Variants in MAP2K5 observed in about 807,000 individuals in gnomAD.
MAP2K5 encodes dual specificity mitogen-activated protein kinase kinase 5.
In MAP2K5, 49 loss-of-function variants were observed where a neutral mutation model predicts 83.1. The observed-to-expected ratio is 0.59, with a 90% CI of 0.47 to 0.75. MAP2K5 has a LOEUF of 0.75. Among genes scored for constraint, MAP2K5 ranks in the 30% least tolerant of loss-of-function variants. The probability of loss-of-function intolerance (pLI) is 0.00; values close to 1 mark genes in which losing one functional copy is unlikely to be tolerated. For synonymous variants in MAP2K5, 202 were observed against 191.8 expected, an observed-to-expected ratio of 1.05 and a Z score of -0.44; for missense variants, 457 against 557.5, an observed-to-expected ratio of 0.82 and a Z score of 1.82.
At chr15:67,762,455 T>C (rs1389282636) in intron 19 of MAP2K5, among the ~76,000 whole-genome samples, 2 of 152,088 alleles carry the variant, frequency 1.3e-5, no homozygotes, top group Non-Finnish European at 2.9e-5. Context: ...AAGATTAACC[T>C]ATTTTCCATT....
Position 67,543,443 on chromosome 15 carries a change from G to C in MAP2K5, c.108G>C (p.Gly36=), listed in dbSNP as rs759483472. 1 of 1,614,166 alleles carries C rather than the reference G, an allele frequency of 6.2e-7. No individual in the cohort carries two copies. Among genetic ancestry groups the C allele is most frequent in the Non-Finnish European group, 8.5e-7 (1 of 1,180,026 alleles). ...CGGTGGACTGGACAGTGCACTCCGG[G>C]CCGCAGTTACTCTTCAGGGATGTGC... ...SGAVDWTVHS[G]PQLLFRDVLD... is the part of the protein sequence containing the mutation. The change falls in exon 1 of 22, where the codon GGG becomes GGC. Residue 36 remains glycine (G), a synonymous_variant. Transcript: ENST00000178640. The surrounding 1 kb of genome is among the most constrained non-coding windows in gnomAD (Gnocchi z 4.3).
At chr15:67,595,795 A>G (rs1191234012) in intron 7 of MAP2K5, among the ~76,000 whole-genome samples, 1 of 152,090 alleles carries the variant, frequency 6.6e-6, no homozygotes, top group Non-Finnish European at 1.5e-5. Context: ...AGTCTCACTG[A>G]TGTGTTTTCT....
Position 67,769,555 on chromosome 15 carries a change from G to A in MAP2K5, c.1135-47G>A, listed in dbSNP as rs537999290. The A allele has an allele frequency of 1.3e-6, 2 of 1,567,426 alleles. No homozygotes were observed. Among genetic ancestry groups the A allele is most frequent in the Admixed American group, 1.7e-5 (1 of 59,866 alleles). The stretch of plus-strand genomic sequence containing the variant: ...GGTGGGTGGGGAATATAAAGAAAGA[G>A]AAGGAACTGTTGTGACTTTTGGTGA... On this transcript the variant is annotated intron_variant, in intron 19 of 21. Coordinates refer to ENST00000178640, the MANE Select transcript of MAP2K5 (RefSeq NM_145160.3). This position sits in a 1 kb window ranked among gnomAD's most constrained non-coding sequence, Gnocchi z 5.2.
At chr15:67,622,165 G>A (rs200896459) in intron 8 of MAP2K5, among the ~76,000 whole-genome samples, 5 of 124,216 alleles carry the variant, frequency 4.0e-5, no homozygotes, top group Non-Finnish European at 6.9e-5. Context: ...AAAAAAAAAA[G>A]AAGATGAAGG....
At chr15:67,639,745 C>A (rs2086674576) in intron 9 of MAP2K5, among the ~76,000 whole-genome samples, 1 of 152,236 alleles carries the variant, frequency 6.6e-6, no homozygotes. Flanking sequence ...ATGTTTGAAT[C>A]CTGTGTGTCT....
At chr15:67,745,579 C>A (rs984686291) in intron 17 of MAP2K5, among the ~76,000 whole-genome samples, 10 of 151,992 alleles carry the variant, frequency 6.6e-5, no homozygotes, top group Non-Finnish European at 1.5e-4. Flanking sequence ...TAAATACAGC[C>A]GAGTACATGG....
At position 67,747,843 on chromosome 15, in the gene MAP2K5, A is replaced by G. The variant is rs78007682; in HGVS notation, c.1075-388A>G. Among the ~76,000 whole-genome samples the G allele has an allele frequency of 0.013, 2,030 of 152,332 alleles. 43 individuals carry two copies. Among genetic ancestry groups the G allele is most frequent in the African/African-American group, 0.047 (1,941 of 41,564 alleles). On this transcript the variant is annotated intron_variant, in intron 17 of 21. Coordinates refer to ENST00000178640, the MANE Select transcript of MAP2K5 (RefSeq NM_145160.3). The surrounding 1 kb of genome is among the most constrained non-coding windows in gnomAD (Gnocchi z 4.1). ...GACTATGATTTAATTTCAATTTTAA[A>G]TAAATCGGTTTTTAATTTAAAAAGA...
At chr15:67,627,440 T>A (rs2086352770) in intron 8 of MAP2K5, among the ~76,000 whole-genome samples, 1 of 152,234 alleles carries the variant, frequency 6.6e-6, no homozygotes, top group Admixed American at 6.5e-5. Flanking sequence ...TAATAAAAGT[T>A]AAGTTTACCT....
chr15:67,567,225 A>C (rs2084856097), intron 3 of MAP2K5, among the ~76,000 whole-genome samples: 1 of 152,288 alleles, frequency 6.6e-6, no homozygotes, highest in African/African-American at 2.4e-5. Context: ...GCATTTTGTT[A>C]TGAGTTTGTG....
Position 67,557,038 on chromosome 15 carries a change from G to A in MAP2K5, c.185-6245G>A, listed in dbSNP as rs192725186. On this transcript the variant is annotated intron_variant, in intron 2 of 21. Coordinates refer to ENST00000178640, the MANE Select transcript of MAP2K5 (RefSeq NM_145160.3). ...TCCATAACCATAAAAAATCCTGTGT[G>A]TTTGCATTTCTGGGTCCTACATATG... 5.3e-5 allele frequency among the ~76,000 whole-genome samples: 8 copies of A among 152,288 alleles called. No individual in the cohort carries two copies. In the East Asian group the frequency reaches 1.5e-3, roughly 29 times the overall value.
intron 4 of MAP2K5, among the ~76,000 whole-genome samples, chr15:67,581,330 A>G (rs1311833297): frequency 1.3e-5 from 2 of 152,248 alleles, no homozygotes; most frequent in Non-Finnish European, 2.9e-5. Context: ...ATTATCTCCA[A>G]AAATATGAGC....
intron 8 of MAP2K5, among the ~76,000 whole-genome samples, chr15:67,620,083 A>G (rs1031264044): frequency 1.3e-4 from 20 of 152,142 alleles, no homozygotes; most frequent in African/African-American, 4.8e-4. Flanking sequence ...AAAAAAATAT[A>G]CTAGTAGGCC....
intron 16 of MAP2K5, among the ~76,000 whole-genome samples, chr15:67,725,545 A>G (rs2089069542): frequency 6.6e-6 from 1 of 152,198 alleles, no homozygotes; most frequent in Non-Finnish European, 1.5e-5. Context: ...GAATTATTCC[A>G]TGGTCCCTGA....
chr15:67,803,398 G>T (rs1327868123), intron 21 of MAP2K5, among the ~76,000 whole-genome samples: 1 of 152,176 alleles, frequency 6.6e-6, no homozygotes, highest in Non-Finnish European at 1.5e-5. Context: ...TTCTCCATCA[G>T]ATTTTGTTTG....
Position 67,703,355 on chromosome 15 carries a change from GA to G in MAP2K5, c.992del (p.Glu331GlyfsTer12). On this transcript the variant is annotated frameshift_variant, in exon 16 of 22. Transcript: ENST00000178640. LOFTEE classifies it high-confidence loss of function. ...CTTGCAGCCTGAAAGGATTTCAGGG[GA>G]GCAGTATGGAATTCATTCTGATGTC... ...AYMAPERISG[E>X]QYGIHSDVWS... is the part of the protein sequence containing the mutation. 6.2e-7 allele frequency: 1 copy of G among 1,613,564 alleles called. No individual in the cohort carries two copies. Among genetic ancestry groups the G allele is most frequent in the South Asian group, 1.1e-5 (1 of 91,048 alleles).
At chr15:67,704,565 A>C (rs998424710) in intron 16 of MAP2K5, among the ~76,000 whole-genome samples, 1 of 152,238 alleles carries the variant, frequency 6.6e-6, no homozygotes, top group African/African-American at 2.4e-5. Flanking sequence ...TCACCTGCAC[A>C]GTAGAAAGAA....
chr15:67,566,324 G>A (rs911728403), intron 3 of MAP2K5, among the ~76,000 whole-genome samples: 7 of 151,898 alleles, frequency 4.6e-5, no homozygotes, highest in African/African-American at 9.7e-5. Flanking sequence ...ACAGGTGCCC[G>A]CCACCACGCA....
intron 16 of MAP2K5, among the ~76,000 whole-genome samples, chr15:67,704,655 T>C (rs1313649348): frequency 6.6e-6 from 1 of 152,192 alleles, no homozygotes; most frequent in Non-Finnish European, 1.5e-5. Context: ...GGAAATACAA[T>C]ATGTATGCAT....
At chr15:67,628,009 C>T (rs2086366685) in intron 8 of MAP2K5, 1 of 744,282 alleles carries the variant, frequency 1.3e-6, no homozygotes, top group Non-Finnish European at 2.4e-6. Context: ...ACCAAGTGCT[C>T]CTGGGGCTTT....
Sources: gnomAD v4.1 joint callset for allele counts (sites outside exome capture counted in the v4.1 genomes callset) on GRCh38, gnomAD v4.1.1 for gene constraint, Gnocchi (gnomAD v3.1) non-coding constraint, MANE v1.5 for transcripts, NCBI Gene and HGNC (gene_info 2026-07-23, HGNC 2026-07-21) for gene names.